The following ATP10D variants were observed in gnomAD, a reference collection of about 807,000 sequenced individuals.
The protein encoded by ATP10D is ATPase phospholipid transporting 10D (putative), also known as phospholipid-transporting ATPase VD.
Under a neutral mutation model 144.8 loss-of-function variants are expected in ATP10D, and 89 were observed. The observed-to-expected ratio is 0.61, with a 90% CI of 0.52 to 0.73. The LOEUF is 0.73. Among genes scored for constraint, ATP10D ranks in the 30% least tolerant of loss-of-function variants. The pLI is 0.00. For missense variants in ATP10D, 1,603 were observed against 1,714.8 expected (o/e 0.93, Z 1.15); for synonymous variants, 571 against 615.1 (o/e 0.93, Z 1.06).
chr4:47,587,912 C>T (rs890104846), intron 22 of ATP10D, among the ~76,000 whole-genome samples: 2 of 152,204 alleles, frequency 1.3e-5, no homozygotes, highest in African/African-American at 4.8e-5. Context: ...CTCAGCCCTG[C>T]TTGCCCCTGT....
At chr4:47,527,977 G>A (rs1246747306) in intron 5 of ATP10D, among the ~76,000 whole-genome samples, 2 of 152,042 alleles carry the variant, frequency 1.3e-5, no homozygotes, top group Non-Finnish European at 2.9e-5. Flanking sequence ...CCAAAAACTG[G>A]CAGAAACCCA....
At chr4:47,513,843 A>G (rs4694851) in intron 2 of ATP10D, among the ~76,000 whole-genome samples, 128,680 of 152,196 alleles carry the variant, frequency 0.85, 54,481 homozygotes, top group East Asian at 0.98. Flanking sequence ...GTAGATGAAA[A>G]GACTTAGAGA....
At chr4:47,541,930 A>G (rs1025502587) in intron 9 of ATP10D, among the ~76,000 whole-genome samples, 4 of 152,168 alleles carry the variant, frequency 2.6e-5, no homozygotes, top group Admixed American at 1.3e-4. Context: ...GTTTTTTCTT[A>G]TGAAGCAAAA....
At chr4:47,491,448 T>G in intron 1 of ATP10D, 1 of 704,642 alleles carries the variant, frequency 1.4e-6, no homozygotes, top group Non-Finnish European at 2.6e-6. Context: ...CCTCTTTCCC[T>G]TTGTGTTTGT....
Position 47,592,237 on chromosome 4 carries a change from CAGT to C in ATP10D, c.*859_*861del, listed in dbSNP as rs1721083326. ...GTGATTTCCTGTATTTTAAAACTGACAGTAGCCTGATCAAAGTGATACAATCAA... is the reference window on the plus strand; with the variant it reads ...GTGATTTCCTGTATTTTAAAACTGACAGCCTGATCAAAGTGATACAATCAA... On this transcript the variant is annotated 3_prime_UTR_variant, in exon 23 of 23. Transcript: ENST00000273859. 6.6e-6 allele frequency: 1 copy of C among 152,538 alleles called. No homozygotes were observed. The highest frequency in any genetic ancestry group is 2.4e-5 in the African/African-American group (1 of 41,434). The allele number at this position is 152,538 out of a possible 1,614,324, so 9.4% of individuals were successfully genotyped here.
intron 10 of ATP10D, among the ~76,000 whole-genome samples, chr4:47,554,045 G>A (rs577060299): frequency 6.6e-5 from 10 of 152,134 alleles, no homozygotes; most frequent in Non-Finnish European, 1.2e-4. Flanking sequence ...GTCAAAACTC[G>A]TACTCTCACG....
Position 47,546,618 on chromosome 4 carries a change from C to G in ATP10D, c.1397-6C>G, listed in dbSNP as rs533196574. On this transcript the variant is annotated splice_region_variant and splice_polypyrimidine_tract_variant and intron_variant, in intron 9 of 22. Coordinates refer to ENST00000273859, the MANE Select transcript of ATP10D (RefSeq NM_020453.4). ...ACATTGACTCAGTGTGCTTTTTATC[C>G]CACAGCCAGGAGGTTGGAGTCCTAT... 2.5e-6 allele frequency: 4 copies of G among 1,612,742 alleles called. No individual in the cohort carries two copies. In the East Asian group the frequency reaches 8.9e-5, roughly 36 times the overall value.
chr4:47,590,965 T>G, intron 22 of ATP10D, 77 bp from the exon 23 acceptor site: 1 of 1,098,270 alleles, frequency 9.1e-7, no homozygotes, highest in Non-Finnish European at 1.3e-6. Context: ...CTTTTTTAAT[T>G]CGTTAGTATT....
At chr4:47,563,885 G>A in intron 15 of ATP10D, 120 bp downstream of exon 15, 1 of 1,008,672 alleles carries the variant, frequency 9.9e-7, no homozygotes, top group Non-Finnish European at 1.4e-6. Context: ...TTTTTTTGTT[G>A]TTTGTTTGTT....
intron 1 of ATP10D, among the ~76,000 whole-genome samples, chr4:47,492,334 G>A (rs1224965284): frequency 2.0e-5 from 3 of 152,162 alleles, no homozygotes; most frequent in African/African-American, 7.2e-5. Context: ...GCAATTTGTT[G>A]CAGTTTTGAA....
At chr4:47,550,490 G>C (rs1284689502) in intron 10 of ATP10D, among the ~76,000 whole-genome samples, 2 of 152,222 alleles carry the variant, frequency 1.3e-5, no homozygotes, top group South Asian at 2.1e-4. Context: ...ATGGGGTTGG[G>C]GGGGGCGGTC....
intron 9 of ATP10D, among the ~76,000 whole-genome samples, chr4:47,543,436 G>C (rs887380075): frequency 1.3e-5 from 2 of 151,942 alleles, no homozygotes; most frequent in Admixed American, 6.6e-5. Flanking sequence ...TTTGTTGTTG[G>C]GGGCTGTCCT....
intron 10 of ATP10D, among the ~76,000 whole-genome samples, chr4:47,549,647 T>G (rs1718622913): frequency 6.6e-6 from 1 of 152,206 alleles, no homozygotes; most frequent in African/African-American, 2.4e-5. Flanking sequence ...GACATATAAA[T>G]GAATAATTAT....
At chr4:47,579,934 T>A (rs1284070069) in intron 19 of ATP10D, among the ~76,000 whole-genome samples, 1 of 152,176 alleles carries the variant, frequency 6.6e-6, no homozygotes, top group Non-Finnish European at 1.5e-5. Flanking sequence ...TTTAAAACCA[T>A]CTGGCTGATT....
intron 1 of ATP10D, among the ~76,000 whole-genome samples, chr4:47,485,972 G>C (rs1336096391): frequency 6.6e-6 from 1 of 152,160 alleles, no homozygotes; most frequent in Non-Finnish European, 1.5e-5. Flanking sequence ...GTGATGAAAA[G>C]GGAAGGTGTT....
rs897552961 is a variant in ATP10D, at chr4:47,592,976, A to G, written c.*1595A>G. ...AGGAAAGTCACAAAGCATGCCTTTT[A>G]CCAGAATATTGCTTTGCCTTTTCTT... On this transcript the variant is annotated 3_prime_UTR_variant, in exon 23 of 23. Transcript: ENST00000273859. 3 of 152,236 alleles carry G rather than the reference A, an allele frequency of 2.0e-5. No homozygotes were observed. The highest frequency in any genetic ancestry group is 4.4e-5 in the Non-Finnish European group (3 of 68,016). 9.4% of individuals were successfully genotyped at this position (152,236 alleles called of 1,614,324 possible). A position where few individuals can be genotyped will look rare whatever the true frequency, so the allele number is the denominator to read the frequency against.
intron 19 of ATP10D, 45 bp from the exon 20 acceptor site, chr4:47,580,353 C>T: frequency 7.0e-7 from 1 of 1,435,950 alleles, no homozygotes; most frequent in Non-Finnish European, 9.8e-7. Flanking sequence ...TTTTCTTGGA[C>T]CCTTGTTAAT....
In ATP10D at chr4:47,576,975, T is replaced by C. The variant is rs1169965086; in HGVS notation, c.3567+2T>C. 6 of 1,613,894 alleles carry C rather than the reference T, an allele frequency of 3.7e-6. No individual in the cohort carries two copies. Among genetic ancestry groups the C allele is most frequent in the East Asian group, 2.2e-5 (1 of 44,870 alleles). On this transcript the variant is annotated splice_donor_variant, in intron 19 of 22. Transcript: ENST00000273859. LOFTEE classifies it high-confidence loss of function. ...TACAGAAGTGGTCAGAAATCAGAGG[T>C]AGGTGTTAAAGCAAGAGTGCTTGGA...
At chr4:47,526,389 T>C (rs1214565302) in intron 5 of ATP10D, among the ~76,000 whole-genome samples, 2 of 152,194 alleles carry the variant, frequency 1.3e-5, no homozygotes, top group Admixed American at 6.5e-5. Context: ...CTTTCATTCC[T>C]GCAAACTAGA....
Sources: gnomAD v4.1 joint callset for allele counts (sites outside exome capture counted in the v4.1 genomes callset) on GRCh38, gnomAD v4.1.1 for gene constraint, MANE v1.5 for transcripts, NCBI Gene and HGNC (gene_info 2026-07-23, HGNC 2026-07-21) for gene names.